The following SCN9A variants were observed in gnomAD, a reference collection of about 807,000 sequenced individuals.
SCN9A encodes sodium channel protein type 9 subunit alpha.
A neutral mutation model predicts 187.0 loss-of-function variants in SCN9A; 131 were observed. That is an observed-to-expected ratio of 0.70 (90% CI 0.61 to 0.81). The LOEUF (loss-of-function observed/expected upper bound fraction) is 0.81, where lower values mean the gene tolerates loss of function less well. Ranked by LOEUF, SCN9A falls within the 30% of genes least tolerant of loss-of-function variation. The pLI is 0.00. For missense variants in SCN9A, 2,252 were observed against 2,396.6 expected, an observed-to-expected ratio of 0.94 and a Z score of 1.26; for synonymous variants, 809 against 808.6, an observed-to-expected ratio of 1.00 and a Z score of -0.01.
intron 1 of SCN9A, among the ~76,000 whole-genome samples, chr2:166,360,928 A>C (rs1198506649): frequency 6.6e-6 from 1 of 152,154 alleles, no homozygotes; most frequent in Non-Finnish European, 1.5e-5. Flanking sequence ...TTATGGCTTT[A>C]ATTTAAAATA....
intron 15 of SCN9A, 75 bp downstream of exon 15, chr2:166,278,064 GT>G: frequency 7.9e-7 from 1 of 1,267,006 alleles, no homozygotes; most frequent in South Asian, 1.5e-5. Context: ...ATTCCCAAAA[GT>G]TTTTAAAAAT....
intron 21 of SCN9A, among the ~76,000 whole-genome samples, chr2:166,232,566 A>G (rs1695128618): frequency 6.6e-6 from 1 of 152,048 alleles, no homozygotes; most frequent in African/African-American, 2.4e-5. Flanking sequence ...TGTTAGGAAC[A>G]ATAGTTTCCC....
intron 1 of SCN9A, among the ~76,000 whole-genome samples, chr2:166,317,669 G>GT: frequency 6.6e-6 from 1 of 152,102 alleles, no homozygotes; most frequent in East Asian, 1.9e-4. Context: ...ATCATATCAT[G>GT]TATTTGTCTA....
Position 166,278,181 on chromosome 2 carries a change from C to T in SCN9A, c.2476G>A (p.Ala826Thr). The T allele has an allele frequency of 3.1e-6, 5 of 1,613,144 alleles. No homozygotes were observed. Among genetic ancestry groups the T allele is most frequent in the Non-Finnish European group, 4.2e-6 (5 of 1,179,620 alleles). ...AGAACTGACAATCCTTCCACATCTG[C>T]TAGAAAGAGCTCCACTAAACTTAAA... ...VTLSLVELFL[A>T]DVEGLSVLRS... The change falls in exon 15 of 27, where the codon GCA (alanine) becomes ACA (threonine). Residue 826 changes from alanine (A) to threonine (T), a missense_variant. Coordinates refer to ENST00000642356, the MANE Select transcript of SCN9A (RefSeq NM_001365536.1).
intron 2 of SCN9A, among the ~76,000 whole-genome samples, chr2:166,307,626 G>A (rs948996592): frequency 6.6e-6 from 1 of 152,120 alleles, no homozygotes. Flanking sequence ...CTTTATTTTA[G>A]TTATAATACT....
At chr2:166,232,193 T>C (rs1276808965) in intron 21 of SCN9A, among the ~76,000 whole-genome samples, 1 of 152,016 alleles carries the variant, frequency 6.6e-6, no homozygotes, top group East Asian at 1.9e-4. Flanking sequence ...TTACAGAAAA[T>C]AGAGTTGTTG....
At chr2:166,286,241 T>A (rs1473531415) in intron 11 of SCN9A, 95 bp downstream of exon 11, 1 of 1,172,688 alleles carries the variant, frequency 8.5e-7, no homozygotes, top group Non-Finnish European at 1.2e-6. Context: ...ATGAAATCAC[T>A]CACTATCCTC....
rs546042603 is a variant in SCN9A, at chr2:166,293,578, C to A, written c.966-206G>T. The stretch of plus-strand genomic sequence containing the variant: ...TCTGTCTGTGAAAATAGGATAATAA[C>A]ATCTACCTCAAGAAAATAAGACTTG... On this transcript the variant is annotated intron_variant, in intron 8 of 26. Transcript: ENST00000642356. Among the ~76,000 whole-genome samples, 3 of 152,298 alleles carry A rather than the reference C, an allele frequency of 2.0e-5. No homozygotes were observed. In the South Asian group the frequency reaches 6.2e-4, roughly 32 times the overall value.
intron 5 of SCN9A, among the ~76,000 whole-genome samples, chr2:166,304,605 T>C (rs1399107531): frequency 6.6e-6 from 1 of 152,132 alleles, no homozygotes; most frequent in Non-Finnish European, 1.5e-5. Flanking sequence ...AACATTATGG[T>C]AATTTAGACT....
chr2:166,278,078 T>A (rs1697316089), intron 15 of SCN9A, 62 bp downstream of exon 15: 27 of 1,374,758 alleles, frequency 2.0e-5, no homozygotes, highest in Middle Eastern at 1.8e-4. Context: ...TTAAAAATAA[T>A]GCAAAACCAA....
chr2:166,220,305 T>G (rs1183007169), intron 24 of SCN9A, among the ~76,000 whole-genome samples: 2 of 152,214 alleles, frequency 1.3e-5, no homozygotes, highest in Non-Finnish European at 2.9e-5. Context: ...CCAAAGCTCA[T>G]GTTGCAATTT....
At chr2:166,232,584 T>G (rs924607758) in intron 21 of SCN9A, among the ~76,000 whole-genome samples, 2 of 151,970 alleles carry the variant, frequency 1.3e-5, no homozygotes, top group Non-Finnish European at 2.9e-5. Flanking sequence ...CCCCTTTCAC[T>G]TGGACTTCCT....
chr2:166,257,991 CTG>C (rs1227505312), intron 17 of SCN9A, among the ~76,000 whole-genome samples: 1 of 151,448 alleles, frequency 6.6e-6, no homozygotes, highest in East Asian at 1.9e-4. Flanking sequence ...TCATTTGAAA[CTG>C]TTAGCAATAT....
At chr2:166,209,042 T>C (rs541788235) in intron 24 of SCN9A, among the ~76,000 whole-genome samples, 1 of 152,174 alleles carries the variant, frequency 6.6e-6, no homozygotes, top group Non-Finnish European at 1.5e-5. Context: ...AGAACCAGTA[T>C]GATTAGAACA....
chr2:166,291,499 C>G (rs962947541), intron 9 of SCN9A, among the ~76,000 whole-genome samples: 1 of 152,098 alleles, frequency 6.6e-6, no homozygotes, highest in Admixed American at 6.5e-5. Flanking sequence ...GCCATACTGC[C>G]GAAAGTAATT....
At chr2:166,244,945 T>C (rs376608982) in intron 18 of SCN9A, among the ~76,000 whole-genome samples, 1 of 152,088 alleles carries the variant, frequency 6.6e-6, no homozygotes, top group South Asian at 2.1e-4. Flanking sequence ...AGTCAAGGTG[T>C]ATTGTGTTTG....
chr2:166,371,175 AAAC>A (rs1237037990), intron 1 of SCN9A, among the ~76,000 whole-genome samples: 2 of 152,082 alleles, frequency 1.3e-5, no homozygotes, highest in African/African-American at 4.8e-5. Context: ...TGTGTTAAAG[AAAC>A]AACAACAACA....
intron 1 of SCN9A, among the ~76,000 whole-genome samples, chr2:166,371,500 G>A (rs555135086): frequency 3.9e-5 from 6 of 152,142 alleles, no homozygotes; most frequent in Admixed American, 6.6e-5. Context: ...CAGAGGAAAG[G>A]GTAAGTGATA....
At chr2:166,292,571 T>A (rs1455886282) in intron 9 of SCN9A, among the ~76,000 whole-genome samples, 1 of 152,040 alleles carries the variant, frequency 6.6e-6, no homozygotes, top group South Asian at 2.1e-4. Context: ...TGAATCATTG[T>A]TATGTGTACT....
Sources: gnomAD v4.1 joint callset for allele counts (sites outside exome capture counted in the v4.1 genomes callset) on GRCh38, gnomAD v4.1.1 for gene constraint, MANE v1.5 for transcripts, NCBI Gene and HGNC (gene_info 2026-07-23, HGNC 2026-07-21) for gene names.